Variants in NR6A1 observed in about 807,000 individuals in gnomAD.
NR6A1 encodes the protein nuclear receptor subfamily 6 group A member 1, also known as retinoic acid receptor-related testis-associated receptor.
NR6A1 carries 7 observed loss-of-function variants against 59.1 expected under a neutral mutation model. The ratio of observed to expected loss-of-function variants is 0.12; its 90% CI spans 0.07 to 0.22. The LOEUF (loss-of-function observed/expected upper bound fraction) is 0.22, where lower values mean the gene tolerates loss of function less well. NR6A1 is among the 10% of genes least tolerant of loss of function. NR6A1 has a pLI of 1.00. For synonymous variants in NR6A1, 243 were observed against 236.1 expected (o/e 1.03, Z -0.27); for missense variants, 468 against 611.6 (o/e 0.77, Z 2.48).
At chr9:124,726,262 C>T (rs1217353330) in intron 2 of NR6A1, among the ~76,000 whole-genome samples, 1 of 152,126 alleles carries the variant, frequency 6.6e-6, no homozygotes, top group Non-Finnish European at 1.5e-5. Flanking sequence ...CAAAAATGTC[C>T]CCTAAAATCC....
At chr9:124,609,414 G>C (rs1835676656) in intron 2 of NR6A1, among the ~76,000 whole-genome samples, 1 of 152,098 alleles carries the variant, frequency 6.6e-6, no homozygotes, top group Non-Finnish European at 1.5e-5. Flanking sequence ...AGATCAGATG[G>C]TTGTAGATGT....
At chr9:124,684,390 G>C (rs1000315203) in intron 2 of NR6A1, among the ~76,000 whole-genome samples, 4 of 152,116 alleles carry the variant, frequency 2.6e-5, no homozygotes, top group Non-Finnish European at 5.9e-5. Flanking sequence ...ACTTTTTCCA[G>C]GCTGATGACA....
chr9:124,557,559 T>C (rs920562567), intron 2 of NR6A1, among the ~76,000 whole-genome samples: 1 of 152,220 alleles, frequency 6.6e-6, no homozygotes, highest in Admixed American at 6.5e-5. Context: ...GTGTGATCAG[T>C]ATTCCTTTTA....
intron 2 of NR6A1, among the ~76,000 whole-genome samples, chr9:124,650,159 T>A (rs1179101275): frequency 2.0e-5 from 3 of 152,132 alleles, no homozygotes; most frequent in Non-Finnish European, 1.5e-5. Flanking sequence ...GCACCACTAT[T>A]CACAACAGCC....
chr9:124,770,160 G>C (rs1841080873), intron 1 of NR6A1: 1 of 152,302 alleles, frequency 6.6e-6, no homozygotes, highest in South Asian at 2.1e-4. Flanking sequence ...GTGGGGACCG[G>C]GACCTGCCGG....
chr9:124,719,825 T>C (rs58986796), intron 2 of NR6A1, among the ~76,000 whole-genome samples: 1 of 151,820 alleles, frequency 6.6e-6, no homozygotes, highest in Admixed American at 6.6e-5. Context: ...GAGACTGAGG[T>C]GAGAAGAACT....
At chr9:124,572,334 T>C (rs1005333642) in intron 2 of NR6A1, among the ~76,000 whole-genome samples, 1 of 152,258 alleles carries the variant, frequency 6.6e-6, no homozygotes, top group Non-Finnish European at 1.5e-5. Context: ...TGGCCTGGTA[T>C]GGCAATCATA....
chr9:124,712,811 G>A (rs1839316251), intron 2 of NR6A1, among the ~76,000 whole-genome samples: 2 of 152,116 alleles, frequency 1.3e-5, no homozygotes, highest in South Asian at 2.1e-4. Flanking sequence ...AATTCAATCA[G>A]TGTAATTCAC....
intron 2 of NR6A1, among the ~76,000 whole-genome samples, chr9:124,559,803 GA>G (rs1834029749): frequency 2.6e-5 from 4 of 152,098 alleles, no homozygotes; most frequent in Middle Eastern, 3.4e-3. Flanking sequence ...AATAATAATG[GA>G]GTGTCCAACT....
chr9:124,671,018 G>A (rs960226090), intron 2 of NR6A1, among the ~76,000 whole-genome samples: 1 of 152,108 alleles, frequency 6.6e-6, no homozygotes, highest in Non-Finnish European at 1.5e-5. Flanking sequence ...ATCACAAAAC[G>A]ACACATACTG....
intron 2 of NR6A1, chr9:124,599,169 G>A (rs1247764156): frequency 6.7e-5 from 38 of 568,942 alleles, no homozygotes; most frequent in Non-Finnish European, 1.2e-4. Flanking sequence ...TTGGCCGGGG[G>A]CGGTGGCTCA....
intron 2 of NR6A1, among the ~76,000 whole-genome samples, chr9:124,708,718 T>C (rs1214727866): frequency 6.6e-6 from 1 of 152,224 alleles, no homozygotes; most frequent in Non-Finnish European, 1.5e-5. Flanking sequence ...ATATATAAGC[T>C]GGACAAGCCC....
intron 1 of NR6A1, among the ~76,000 whole-genome samples, chr9:124,740,423 C>T (rs1395915273): frequency 6.6e-6 from 1 of 152,104 alleles, no homozygotes; most frequent in Non-Finnish European, 1.5e-5. Flanking sequence ...AACGTTATTT[C>T]ACTTAGTCAA....
At chr9:124,734,980 G>A (rs1276258204) in intron 1 of NR6A1, among the ~76,000 whole-genome samples, 13 of 152,144 alleles carry the variant, frequency 8.5e-5, no homozygotes, top group Admixed American at 6.5e-4. Flanking sequence ...GAGCAGCTGG[G>A]ATTACAGGCA....
chr9:124,674,774 C>A (rs1190468501), intron 2 of NR6A1, among the ~76,000 whole-genome samples: 1 of 152,136 alleles, frequency 6.6e-6, no homozygotes, highest in African/African-American at 2.4e-5. Flanking sequence ...TAGCAAATTA[C>A]AACACAGGAA....
chr9:124,548,235 G>A (rs1833659859), intron 3 of NR6A1, among the ~76,000 whole-genome samples: 1 of 152,198 alleles, frequency 6.6e-6, no homozygotes, highest in Non-Finnish European at 1.5e-5. Context: ...AAGGGCATAT[G>A]GGAATTATTA....
chr9:124,562,143 C>T (rs889587303), intron 2 of NR6A1, among the ~76,000 whole-genome samples: 1 of 152,108 alleles, frequency 6.6e-6, no homozygotes, highest in African/African-American at 2.4e-5. Flanking sequence ...CTTGGGTTTC[C>T]TCTGAGAAGA....
chr9:124,677,875 G>T (rs1838011059), intron 2 of NR6A1, among the ~76,000 whole-genome samples: 1 of 152,080 alleles, frequency 6.6e-6, no homozygotes, highest in African/African-American at 2.4e-5. Context: ...AACAGAGAAA[G>T]TCTATGTAAC....
intron 3 of NR6A1, among the ~76,000 whole-genome samples, chr9:124,544,117 A>C (rs1344908911): frequency 2.0e-5 from 3 of 152,242 alleles, no homozygotes; most frequent in African/African-American, 7.2e-5. Context: ...GAAAAAGGTG[A>C]TAGCACTGCT....
Sources: allele counts gnomAD v4.1 joint callset (sites outside exome capture counted in the v4.1 genomes callset), GRCh38; gene constraint gnomAD v4.1.1; transcripts MANE v1.5; gene names NCBI Gene and HGNC (gene_info 2026-07-23, HGNC 2026-07-21).